The following GPATCH2L variants were observed in gnomAD, a reference collection of about 807,000 sequenced individuals.
GPATCH2L encodes G-patch domain containing 2 like.
Under a neutral mutation model 57.4 loss-of-function variants are expected in GPATCH2L, and 31 were observed. That is an observed-to-expected ratio of 0.54 (90% CI 0.41 to 0.73). GPATCH2L has a LOEUF of 0.73. Among genes scored for constraint, GPATCH2L ranks in the 30% least tolerant of loss-of-function variants. The probability of loss-of-function intolerance (pLI) is 0.00; values close to 1 mark genes in which losing one functional copy is unlikely to be tolerated. For missense variants in GPATCH2L, 481 were observed against 599.9 expected, an observed-to-expected ratio of 0.80 and a Z score of 2.07; for synonymous variants, 199 against 210.7, an observed-to-expected ratio of 0.94 and a Z score of 0.48.
Position 76,183,463 on chromosome 14 carries a change from A to G in GPATCH2L, c.1193+2614A>G, listed in dbSNP as rs374332996. Among the ~76,000 whole-genome samples, 7 of 152,268 alleles carry G rather than the reference A, an allele frequency of 4.6e-5. No homozygotes were observed. In the East Asian group the frequency reaches 1.3e-3, roughly 29 times the overall value. ...AAAATTTTTAAACTTACATTTATTT[A>G]TAGCAAAAAAATTATAGCAAAATTT... is the stretch of plus-strand genomic sequence containing the variant. On this transcript the variant is annotated intron_variant, in intron 8 of 9. Transcript: ENST00000261530.
intron 8 of GPATCH2L, among the ~76,000 whole-genome samples, chr14:76,181,866 T>C (rs1162366886): frequency 6.6e-6 from 1 of 152,214 alleles, no homozygotes; most frequent in African/African-American, 2.4e-5. Context: ...TAATAAGTTC[T>C]TAAATGGTTA....
At chr14:76,227,463 T>G (rs757988509) in intron 1 of GPATCH2L, among the ~76,000 whole-genome samples, 2 of 152,148 alleles carry the variant, frequency 1.3e-5, no homozygotes, top group Non-Finnish European at 2.9e-5. Flanking sequence ...GACCAGCCGA[T>G]GGGGTAGAAC....
chr14:76,176,796 G>T, intron 6 of GPATCH2L, 106 bp downstream of exon 6: 1 of 745,382 alleles, frequency 1.3e-6, no homozygotes, highest in East Asian at 2.5e-5. Context: ...AGTTCAAAGA[G>T]ATCTTAAAGA....
chr14:76,232,011 A>ACTGCAGCCTCACTGCAGGCTCACTGC, intron 2 of GPATCH2L, among the ~76,000 whole-genome samples: 58 of 150,546 alleles, frequency 3.9e-4, no homozygotes, highest in Non-Finnish European at 4.7e-4. Flanking sequence ...CTGCAGGCTC[A>ACTGCAGCCTCACTGCAGGCTCACTGC]AGCAATCTTC....
rs561343171 is a variant in GPATCH2L, at chr14:76,201,940, G to A, written c.*89G>A. On this transcript the variant is annotated 3_prime_UTR_variant, in exon 10 of 10. Transcript: ENST00000261530. The stretch of plus-strand genomic sequence containing the variant: ...TTAGATAGTCTTGCATATCTTAATC[G>A]ACATTCCCAGTCCTTTCACCACCAG... The A allele has an allele frequency of 1.1e-4, 120 of 1,087,996 alleles. No homozygotes were observed. Among genetic ancestry groups the A allele is most frequent in the Non-Finnish European group, 1.3e-4 (101 of 755,068 alleles). 67.4% of individuals were successfully genotyped at this position (1,087,996 alleles called of 1,614,324 possible).
downstream of GPATCH2L, among the ~76,000 whole-genome samples, chr14:76,216,219 G>A (rs150652629): frequency 6.6e-6 from 1 of 150,688 alleles, no homozygotes; most frequent in Non-Finnish European, 1.5e-5. Context: ...CCTTGGCCCT[G>A]GGTGGAGGAA....
Position 76,182,791 on chromosome 14 carries a change from G to A in GPATCH2L, c.1193+1942G>A, listed in dbSNP as rs866281143. Among the ~76,000 whole-genome samples the A allele has an allele frequency of 7.9e-5, 12 of 152,166 alleles. No homozygotes were observed. In the South Asian group the frequency reaches 8.3e-4, roughly 11 times the overall value. ...TCTCATGGGAAAGTCAGGTATGGAA[G>A]TTGACAACTACAATAAAGGTTTGAA... On this transcript the variant is annotated intron_variant, in intron 8 of 9. Coordinates refer to ENST00000261530, the MANE Select transcript of GPATCH2L (RefSeq NM_017926.4).
At chr14:76,152,153 C>G (rs969620164) in intron 1 of GPATCH2L, among the ~76,000 whole-genome samples, 162 bp downstream of exon 1, 3 of 152,156 alleles carry the variant, frequency 2.0e-5, no homozygotes, top group African/African-American at 7.2e-5. Flanking sequence ...GCCCTTGTCC[C>G]CATCCCTGGG....
chr14:76,177,099 G>A (rs2039361597), intron 6 of GPATCH2L, among the ~76,000 whole-genome samples: 1 of 152,110 alleles, frequency 6.6e-6, no homozygotes, highest in Admixed American at 6.5e-5. Flanking sequence ...AGGCTGGAGT[G>A]CAGTGGCAGA....
In GPATCH2L at chr14:76,171,849, A is replaced by G; in HGVS notation, c.734A>G (p.Asp245Gly). The change falls in exon 4 of 10, where the codon GAC becomes GGC. Residue 245 changes from aspartate to glycine, a missense_variant. Asp to Gly is a moderately conservative substitution (Grantham distance 94, BLOSUM62 -1). Around this residue, in one of 3 missense-constraint regions of GPATCH2L, gnomAD observed 25 missense variants for 56.9 expected, o/e 0.44. Transcript: ENST00000261530. The stretch of plus-strand genomic sequence containing the variant: ...TATGATGTCTTTACTTTAGGTGATG[A>G]CGAACAGAGTGATTGGTTCTATGAA... ...FTNDEGRQGD[D>G]EQSDWFYEGE... is the part of the protein sequence containing the mutation. 1.3e-6 allele frequency: 2 copies of G among 1,566,982 alleles called. No homozygotes were observed. Among genetic ancestry groups the G allele is most frequent in the Non-Finnish European group, 1.7e-6 (2 of 1,157,672 alleles).
chr14:76,196,852 T>C (rs1054292822), intron 9 of GPATCH2L, among the ~76,000 whole-genome samples: 4 of 152,230 alleles, frequency 2.6e-5, no homozygotes, highest in Admixed American at 2.6e-4. Flanking sequence ...CTACCTTAAC[T>C]TAGTAAGTTT....
intron 5 of GPATCH2L, chr14:76,173,836 A>G (rs2039199167): frequency 4.6e-6 from 2 of 430,588 alleles, no homozygotes; most frequent in South Asian, 7.9e-5. Flanking sequence ...AGAAGTACTG[A>G]CAAAAAAAAA....
Position 76,208,581 on chromosome 14 carries a change from G to C in GPATCH2L, c.*6730G>C, listed in dbSNP as rs79817553. 3,616 of 152,302 alleles carry C rather than the reference G, an allele frequency of 0.024. 77 individuals are homozygous for C. Among genetic ancestry groups the C allele is most frequent in the South Asian group, 0.077 (370 of 4,780 alleles). 9.4% of individuals were successfully genotyped at this position (152,302 alleles called of 1,614,324 possible). A position where few individuals can be genotyped will look rare whatever the true frequency, so the allele number is the denominator to read the frequency against. Reference sequence around the variant, plus strand: ...CACTTAGACACCCACACACACACACGCTTCCTTACCTTCTTGCCAGTGCCT... The same window carrying C: ...CACTTAGACACCCACACACACACACCCTTCCTTACCTTCTTGCCAGTGCCT... On this transcript the variant is annotated 3_prime_UTR_variant, in exon 10 of 10. Coordinates refer to ENST00000261530, the MANE Select transcript of GPATCH2L (RefSeq NM_017926.4).
intron 9 of GPATCH2L, among the ~76,000 whole-genome samples, chr14:76,197,112 C>T (rs983875343): frequency 2.6e-5 from 4 of 152,148 alleles, no homozygotes; most frequent in African/African-American, 9.7e-5. Context: ...TAAATCACTT[C>T]CCTGAGGCCA....
chr14:76,201,653 C>T, intron 9 of GPATCH2L, 38 bp from the exon 10 acceptor site: 2 of 1,490,158 alleles, frequency 1.3e-6, no homozygotes, highest in Non-Finnish European at 1.8e-6. Context: ...ATTTATCTCC[C>T]CTTGATGTTT....
intron 8 of GPATCH2L, among the ~76,000 whole-genome samples, chr14:76,195,081 G>A (rs2040105132): frequency 6.6e-6 from 1 of 152,154 alleles, no homozygotes; most frequent in South Asian, 2.1e-4. Flanking sequence ...AACACTTTGT[G>A]TAAAGGTGAG....
intron 2 of GPATCH2L, among the ~76,000 whole-genome samples, chr14:76,163,375 C>A (rs1168503635): frequency 2.0e-5 from 3 of 152,150 alleles, no homozygotes; most frequent in Non-Finnish European, 4.4e-5. Flanking sequence ...TAATAATTTT[C>A]TGAATAAACT....
chr14:76,172,910 T>C (rs914058369), intron 4 of GPATCH2L, among the ~76,000 whole-genome samples: 1 of 152,218 alleles, frequency 6.6e-6, no homozygotes, highest in African/African-American at 2.4e-5. Context: ...GAGGCACACA[T>C]TGCTTTATTG....
Position 76,207,631 on chromosome 14 carries a change from T to G in GPATCH2L, c.*5780T>G, listed in dbSNP as rs2040394107. The G allele has an allele frequency of 1.3e-5, 2 of 152,212 alleles. No homozygotes were observed. 9.4% of individuals were successfully genotyped at this position (152,212 alleles called of 1,614,324 possible). ...TCTTGCTAGGACTGAATCTCAGTAC[T>G]TCAGAGCATGTAAAAATCAATTTTC... On this transcript the variant is annotated 3_prime_UTR_variant, in exon 10 of 10. Coordinates refer to ENST00000261530, the MANE Select transcript of GPATCH2L (RefSeq NM_017926.4).
Sources: allele counts gnomAD v4.1 joint callset (sites outside exome capture counted in the v4.1 genomes callset), GRCh38; gene constraint gnomAD v4.1.1; regional missense constraint gnomAD v4.1.1; transcripts MANE v1.5; gene names NCBI Gene and HGNC (gene_info 2026-07-23, HGNC 2026-07-21).